Variants in TSFM observed in about 807,000 individuals in gnomAD.
TSFM encodes elongation factor Ts, mitochondrial.
TSFM carries 29 observed loss-of-function variants against 33.4 expected under a neutral mutation model. That is an observed-to-expected ratio of 0.87 (90% CI 0.65 to 1.18). TSFM has a LOEUF of 1.18. TSFM is among the 50% of genes most tolerant of loss of function. The probability of loss-of-function intolerance (pLI) is 0.00; values close to 1 mark genes in which losing one functional copy is unlikely to be tolerated. For synonymous variants in TSFM, 178 were observed against 163.5 expected (o/e 1.09, Z -0.68); for missense variants, 394 against 395.6 (o/e 1.00, Z 0.04).
chr12:57,786,580 T>C (rs1397654510), intron 3 of TSFM, among the ~76,000 whole-genome samples: 1 of 152,248 alleles, frequency 6.6e-6, no homozygotes, highest in Non-Finnish European at 1.5e-5. Flanking sequence ...ACAGTTAGAT[T>C]ACAAGTTAAT....
chr12:57,792,781 G>A (rs1180048668), intron 4 of TSFM, among the ~76,000 whole-genome samples: 1 of 151,914 alleles, frequency 6.6e-6, no homozygotes. Context: ...CGTTGGAGAC[G>A]GGGTTTCACC....
In TSFM at chr12:57,796,441, C is replaced by A; in HGVS notation, c.836C>A (p.Ala279Glu). ...GSLDDEPGGE[A>E]ETKMLSQPYL... Reference sequence around the variant, plus strand: ...CTGGACGATGAGCCTGGGGGAGAGGCAGAGACTAAGATGCTGTCCCAGCCG... The same window carrying A: ...CTGGACGATGAGCCTGGGGGAGAGGAAGAGACTAAGATGCTGTCCCAGCCG... The change falls in exon 6 of 6, where the codon GCA becomes GAA. Residue 279 changes from alanine (A) to glutamate (E), a missense_variant. Coordinates refer to ENST00000652027, the MANE Select transcript of TSFM (RefSeq NM_005726.6). The A allele has an allele frequency of 6.2e-7, 1 of 1,600,874 alleles. No homozygotes were observed. The highest frequency in any genetic ancestry group is 8.5e-7 in the Non-Finnish European group (1 of 1,173,434).
chr12:57,783,533 GAGC>G, intron 2 of TSFM: 1 of 669,320 alleles, frequency 1.5e-6, no homozygotes. Flanking sequence ...GGGTTTGTGT[GAGC>G]TTTGGAGTCA....
At position 57,793,071 on chromosome 12, in the gene TSFM, T is replaced by C. The variant is rs188603546; in HGVS notation, c.569T>C (p.Ile190Thr). The change falls in exon 5 of 6, where the codon ATT (isoleucine) becomes ACT (threonine). Residue 190 changes from isoleucine (I) to threonine (T), a missense_variant and splice_region_variant. Transcript: ENST00000652027. ...CTCAAGGATCAGTTGGCTTTAGCAA[T>C]TGGTGAGTATTTGTAAAGGTTCTGG... ...GSLKDQLALA[I>T]GKLGENMILK... 6.2e-7 allele frequency: 1 copy of C among 1,612,844 alleles called. No homozygotes were observed. Among genetic ancestry groups the C allele is most frequent in the Admixed American group, 1.7e-5 (1 of 59,856 alleles).
chr12:57,801,473 C>T (rs1955846784), downstream of TSFM: 1 of 294,084 alleles, frequency 3.4e-6, no homozygotes, highest in Admixed American at 4.9e-5. Flanking sequence ...GGCACAGTGG[C>T]TCATGCCTGT....
rs145448503 is a variant in TSFM at position 57,797,560 on chromosome 12, A to G, written c.*977A>G. 28 of 915,240 alleles carry G rather than the reference A, an allele frequency of 3.1e-5. No homozygotes were observed. The highest frequency in any genetic ancestry group is 3.0e-4 in the Admixed American group (5 of 16,494). The allele number at this position is 915,240 out of a possible 1,614,324, so 56.7% of individuals were successfully genotyped here. The stretch of plus-strand genomic sequence containing the variant: ...TAGGTCCTGGTATAATATTAAACAT[A>G]AAGTTATTAAACATTTTAAGCATTG... On this transcript the variant is annotated 3_prime_UTR_variant, in exon 6 of 6. Transcript: ENST00000652027.
At chr12:57,791,270 A>G (rs907194073) in intron 4 of TSFM, among the ~76,000 whole-genome samples, 1 of 152,184 alleles carries the variant, frequency 6.6e-6, no homozygotes, top group Non-Finnish European at 1.5e-5. Flanking sequence ...TCAGCCTCCC[A>G]AAGTGCTGAG....
intron 3 of TSFM, 22 bp downstream of exon 3, chr12:57,786,313 A>G: frequency 1.2e-6 from 2 of 1,606,666 alleles, no homozygotes; most frequent in Non-Finnish European, 1.7e-6. Context: ...GAAATTCCAG[A>G]TACCAAGAAC....
rs1955753275 is a variant in TSFM at position 57,797,176 on chromosome 12, G to A, written c.*593G>A. On this transcript the variant is annotated 3_prime_UTR_variant, in exon 6 of 6. Coordinates refer to ENST00000652027, the MANE Select transcript of TSFM (RefSeq NM_005726.6). Reference sequence around the variant, plus strand: ...TATTTCTCTTTTGGATGATGTGTGGGTGGGTGGGTACTGAGGTTTCCTGGC... The same window carrying A: ...TATTTCTCTTTTGGATGATGTGTGGATGGGTGGGTACTGAGGTTTCCTGGC... 1.3e-5 allele frequency: 13 copies of A among 985,438 alleles called. No homozygotes were observed. The highest frequency in any genetic ancestry group is 1.3e-5 in the Non-Finnish European group (11 of 829,956). 61.0% of individuals were successfully genotyped at this position (985,438 alleles called of 1,614,324 possible). A position where few individuals can be genotyped will look rare whatever the true frequency, so the allele number is the denominator to read the frequency against.
Position 57,797,549 on chromosome 12 carries a change from A to C in TSFM, c.*966A>C, listed in dbSNP as rs1233368917. ...GAAAACAAAGGTAGGTCCTGGTATA[A>C]TATTAAACATAAAGTTATTAAACAT... is the stretch of plus-strand genomic sequence containing the variant. On this transcript the variant is annotated 3_prime_UTR_variant, in exon 6 of 6. Coordinates refer to ENST00000652027, the MANE Select transcript of TSFM (RefSeq NM_005726.6). 1 of 918,866 alleles carries C rather than the reference A, an allele frequency of 1.1e-6. No homozygotes were observed. The highest frequency in any genetic ancestry group is 1.3e-6 in the Non-Finnish European group (1 of 768,532). The allele number at this position is 918,866 out of a possible 1,614,324, so 56.9% of individuals were successfully genotyped here.
intron 2 of TSFM, chr12:57,783,523 G>A (rs1409994229): frequency 7.3e-6 from 5 of 684,402 alleles, no homozygotes; most frequent in Non-Finnish European, 1.4e-5. Context: ...GGAGCTGAAA[G>A]GGTTTGTGTG....
chr12:57,798,625 T>C (rs946631703), downstream of TSFM, among the ~76,000 whole-genome samples: 1 of 151,732 alleles, frequency 6.6e-6, no homozygotes, highest in Non-Finnish European at 1.5e-5. Context: ...CTTTTCTTTT[T>C]TTTTTTTTTG....
chr12:57,783,059 C>G (rs921648407), intron 1 of TSFM, 51 bp from the exon 2 acceptor site: 1 of 1,573,692 alleles, frequency 6.4e-7, no homozygotes, highest in Non-Finnish European at 8.6e-7. Context: ...TACCCTTCAC[C>G]CTCTGGAGTT....
chr12:57,791,859 C>T, intron 4 of TSFM: 1 of 237,806 alleles, frequency 4.2e-6, no homozygotes, highest in Non-Finnish European at 8.9e-6. Context: ...TTATTAGATA[C>T]TACAACTTCA....
downstream of TSFM, among the ~76,000 whole-genome samples, chr12:57,799,171 G>A (rs911154260): frequency 3.9e-5 from 6 of 152,192 alleles, no homozygotes; most frequent in African/African-American, 1.4e-4. Context: ...TGATATTAGA[G>A]CTGAGACCTA....
chr12:57,789,790 T>C (rs1565822522), intron 4 of TSFM, among the ~76,000 whole-genome samples: 1 of 152,274 alleles, frequency 6.6e-6, no homozygotes, highest in East Asian at 1.9e-4. Flanking sequence ...CAATAAGTTA[T>C]AACTCATTAT....
At chr12:57,786,918 A>T in intron 3 of TSFM, 122 bp from the exon 4 acceptor site, 2 of 1,136,496 alleles carry the variant, frequency 1.8e-6, no homozygotes, top group Non-Finnish European at 1.2e-6. Context: ...TTTTGGAGTC[A>T]TTTTTTTTCC....
chr12:57,789,803 G>A (rs767014775), intron 4 of TSFM, among the ~76,000 whole-genome samples: 5 of 152,126 alleles, frequency 3.3e-5, no homozygotes, highest in Admixed American at 6.5e-5. Flanking sequence ...CTCATTATTC[G>A]TTTTGATGCT....
chr12:57,795,581 T>C (rs1173567771), intron 5 of TSFM, among the ~76,000 whole-genome samples: 2 of 152,190 alleles, frequency 1.3e-5, no homozygotes, highest in African/African-American at 2.4e-5. Flanking sequence ...TCACACATAC[T>C]TGTGTCACCA....
Sources: allele counts gnomAD v4.1 joint callset (sites outside exome capture counted in the v4.1 genomes callset), GRCh38; gene constraint gnomAD v4.1.1; transcripts MANE v1.5; gene names NCBI Gene and HGNC (gene_info 2026-07-23, HGNC 2026-07-21).